PLEKHH1: variants seen among roughly 807,000 people sequenced by gnomAD.
PLEKHH1 encodes the protein pleckstrin homology domain-containing family H member 1.
PLEKHH1 carries 104 observed loss-of-function variants against 160.0 expected under a neutral mutation model. That is an observed-to-expected ratio of 0.65 (90% CI 0.55 to 0.76). The LOEUF (loss-of-function observed/expected upper bound fraction) is 0.76, where lower values mean the gene tolerates loss of function less well. Ranked by LOEUF, PLEKHH1 falls within the 30% of genes least tolerant of loss-of-function variation. The pLI is 0.00. For missense variants in PLEKHH1, 1,427 were observed against 1,724.1 expected (o/e 0.83, Z 3.05); for synonymous variants, 619 against 678.4 (o/e 0.91, Z 1.36).
Position 67,587,330 on chromosome 14 carries a change from C to T in PLEKHH1, c.*95C>T, listed in dbSNP as rs566395337. Reference sequence around the variant, plus strand: ...GATACTACTGTGACGGGTCTAACAGCCCCCGGCTACTCTTGTTCTGTGAAA... The same window carrying T: ...GATACTACTGTGACGGGTCTAACAGTCCCCGGCTACTCTTGTTCTGTGAAA... On this transcript the variant is annotated 3_prime_UTR_variant, in exon 29 of 29. Transcript: ENST00000329153. 7.0e-5 allele frequency: 93 copies of T among 1,335,034 alleles called. 2 individuals carry two copies. In the South Asian group the frequency reaches 1.0e-3, roughly 15 times the overall value. 82.7% of individuals were successfully genotyped at this position (1,335,034 alleles called of 1,614,324 possible). A position where few individuals can be genotyped will look rare whatever the true frequency, so the allele number is the denominator to read the frequency against.
In PLEKHH1 at chr14:67,572,257, G is replaced by A. The variant is rs763065134; in HGVS notation, c.1708G>A (p.Asp570Asn). ...KLQRTSSYSTDGLGLGGESLE... is the reference protein window; with the variant it reads ...KLQRTSSYSTNGLGLGGESLE... ...GCAGCGCACCTCATCCTACTCCACC[G>A]ACGGGCTGGGCCTGGGCGGGGTGAG... Residue 570 changes from aspartate (D) to asparagine (N), a missense_variant, in exon 11 of 29, where the codon GAC (aspartate) becomes AAC (asparagine). Around this residue, in one of 6 missense-constraint regions of PLEKHH1, gnomAD observed 831 missense variants for 929.2 expected, o/e 0.89. Coordinates refer to ENST00000329153, the MANE Select transcript of PLEKHH1 (RefSeq NM_020715.3). 1.4e-5 allele frequency: 23 copies of A among 1,603,020 alleles called. No individual in the cohort carries two copies. Among genetic ancestry groups the A allele is most frequent in the South Asian group, 3.4e-5 (3 of 89,136 alleles).
chr14:67,563,650 C>G (rs908176553), intron 7 of PLEKHH1, among the ~76,000 whole-genome samples: 2 of 151,698 alleles, frequency 1.3e-5, no homozygotes, highest in African/African-American at 4.8e-5. Context: ...TCAGGCTGGC[C>G]TCAAACTCCT....
At chr14:67,572,044 C>T (rs988864190) in intron 10 of PLEKHH1, 91 bp from the exon 11 acceptor site, 138 of 1,496,474 alleles carry the variant, frequency 9.2e-5, no homozygotes, top group Non-Finnish European at 1.2e-4. Context: ...GAGACCGGGT[C>T]CCGGGTGGGT....
intron 9 of PLEKHH1, chr14:67,570,399 A>C (rs2035315367): frequency 6.5e-6 from 3 of 461,492 alleles, no homozygotes; most frequent in Non-Finnish European, 8.6e-6. Flanking sequence ...ATCAGATAGA[A>C]TTGCAATATT....
At chr14:67,538,055 G>T (rs1391756138) in intron 1 of PLEKHH1, among the ~76,000 whole-genome samples, 1 of 152,194 alleles carries the variant, frequency 6.6e-6, no homozygotes, top group Non-Finnish European at 1.5e-5. Flanking sequence ...TGGGGACAGA[G>T]GGACTTATTG....
At chr14:67,548,360 C>T (rs766367616) in intron 2 of PLEKHH1, among the ~76,000 whole-genome samples, 1 of 152,060 alleles carries the variant, frequency 6.6e-6, no homozygotes, top group Non-Finnish European at 1.5e-5. Context: ...TTCTTTACTC[C>T]CTATCTGCTT....
chr14:67,535,149 A>G (rs2033653932), intron 1 of PLEKHH1, among the ~76,000 whole-genome samples: 1 of 152,194 alleles, frequency 6.6e-6, no homozygotes, highest in African/African-American at 2.4e-5. Context: ...TGTGAATGCC[A>G]CATACATATG....
chr14:67,554,468 G>A (rs568254586), intron 2 of PLEKHH1, among the ~76,000 whole-genome samples: 7 of 152,196 alleles, frequency 4.6e-5, no homozygotes, highest in African/African-American at 7.2e-5. Context: ...GGGATGCAAC[G>A]CCTCTGGGAC....
intron 4 of PLEKHH1, among the ~76,000 whole-genome samples, chr14:67,559,379 C>T (rs891927516): frequency 3.3e-5 from 5 of 152,252 alleles, no homozygotes; most frequent in East Asian, 1.9e-4. Flanking sequence ...AGGGATATGC[C>T]GCGTTTATTC....
intron 9 of PLEKHH1, chr14:67,570,370 C>T: frequency 1.2e-6 from 1 of 847,336 alleles, no homozygotes; most frequent in Non-Finnish European, 1.4e-6. Context: ...CGTAACGTCA[C>T]TACATTTTAA....
rs374083828 is a variant in PLEKHH1, at chr14:67,557,457, G to T, written c.339+39G>T. 3.0e-5 allele frequency: 48 copies of T among 1,597,148 alleles called. No homozygotes were observed. The African/African-American group carries it at 5.4e-4, about 18-fold the overall frequency. On this transcript the variant is annotated intron_variant, in intron 4 of 28. Transcript: ENST00000329153. The stretch of plus-strand genomic sequence containing the variant: ...CGCAAGGGAGCACCATGCCCTCTTC[G>T]ACATCTGTACTGCTGGCCCCCAGCT...
Position 67,579,198 on chromosome 14 carries a change from G to A in PLEKHH1, c.2914G>A (p.Glu972Lys). ...AGTGGAGCGGACCCTGCGGACCGGG[G>A]AGCGGGAAGCCAGGCCATCGCGCAT... ...RAVERTLRTG[E>K]REARPSRMEV... Residue 972 changes from glutamate to lysine, a missense_variant, in exon 21 of 29, where the codon GAG becomes AAG. Glu to Lys is a moderately conservative substitution (Grantham distance 56). Transcript: ENST00000329153. 6.2e-7 allele frequency: 1 copy of A among 1,611,356 alleles called. No homozygotes were observed. The highest frequency in any genetic ancestry group is 1.1e-5 in the South Asian group (1 of 90,636).
intron 1 of PLEKHH1, among the ~76,000 whole-genome samples, chr14:67,537,379 T>TAATAATAAA (rs2033777797): frequency 1.4e-5 from 2 of 141,596 alleles, no homozygotes; most frequent in African/African-American, 2.7e-5. Context: ...ATAATAATAA[T>TAATAATAAA]AAAAACTTAA....
At chr14:67,552,776 A>AAT (rs2034448023) in intron 2 of PLEKHH1, among the ~76,000 whole-genome samples, 1 of 150,080 alleles carries the variant, frequency 6.7e-6, no homozygotes, top group African/African-American at 2.5e-5. Context: ...CAAAAAAAAA[A>AAT]AACAAAAACA....
chr14:67,536,638 C>G (rs1308750856), intron 1 of PLEKHH1, among the ~76,000 whole-genome samples: 1 of 151,886 alleles, frequency 6.6e-6, no homozygotes, highest in South Asian at 2.1e-4. Flanking sequence ...TTGTAGGGAG[C>G]TACCAGGATA....
intron 8 of PLEKHH1, 31 bp downstream of exon 8, chr14:67,569,247 A>G (rs1314016199): frequency 3.9e-6 from 6 of 1,527,632 alleles, no homozygotes; most frequent in Non-Finnish European, 3.6e-6. Flanking sequence ...GGAGGCACCA[A>G]ACACCCAAGG....
rs1221346932 is a variant in PLEKHH1, at chr14:67,582,864, CAAAA to C, written c.3426+656_3426+659del. 2.6e-5 allele frequency among the ~76,000 whole-genome samples: 4 copies of C among 152,118 alleles called. No homozygotes were observed. The highest frequency in any genetic ancestry group is 2.1e-4 in the South Asian group (1 of 4,808). On this transcript the variant is annotated intron_variant, in intron 24 of 28. Transcript: ENST00000329153. The surrounding 1 kb of genome is among the most constrained non-coding windows in gnomAD (Gnocchi z 5.0). ...AAACAAAACAAAACAAACAAACAAACAAAAACCTCTGCCAGCCTCCACAGGGTTG... is the reference window on the plus strand; with the variant it reads ...AAACAAAACAAAACAAACAAACAAACACCTCTGCCAGCCTCCACAGGGTTG...
In PLEKHH1 at chr14:67,578,531, C is replaced by A. The variant is rs774823391; in HGVS notation, c.2752-3C>A. On this transcript the variant is annotated splice_region_variant and splice_polypyrimidine_tract_variant and intron_variant, in intron 19 of 28. Transcript: ENST00000329153. This position sits in a 1 kb window ranked among gnomAD's most constrained non-coding sequence, Gnocchi z 5.0. ...CACCCCACGCTGTCTGTGTCCCTGGCAGTGCTGGCAGCTCCTCGCTCTGTG... is the reference window on the plus strand; with the variant it reads ...CACCCCACGCTGTCTGTGTCCCTGGAAGTGCTGGCAGCTCCTCGCTCTGTG... The A allele has an allele frequency of 1.2e-6, 2 of 1,601,624 alleles. No individual in the cohort carries two copies. Among genetic ancestry groups the A allele is most frequent in the African/African-American group, 1.3e-5 (1 of 74,706 alleles).
At chr14:67,535,996 C>A (rs2033700489) in intron 1 of PLEKHH1, among the ~76,000 whole-genome samples, 1 of 152,198 alleles carries the variant, frequency 6.6e-6, no homozygotes. Flanking sequence ...CTTAAGGCCA[C>A]AGGATTATTT....
Sources: allele counts gnomAD v4.1 joint callset (sites outside exome capture counted in the v4.1 genomes callset), GRCh38; gene constraint gnomAD v4.1.1; regional missense constraint gnomAD v4.1.1; non-coding constraint Gnocchi (gnomAD v3.1); transcripts MANE v1.5; gene names NCBI Gene and HGNC (gene_info 2026-07-23, HGNC 2026-07-21).